Variants in ABCC3 observed in about 807,000 individuals in gnomAD.
The protein encoded by ABCC3 is ATP binding cassette subfamily C member 3.
A neutral mutation model predicts 165.3 loss-of-function variants in ABCC3; 121 were observed. That is an observed-to-expected ratio of 0.73 (90% CI 0.63 to 0.85). The LOEUF (loss-of-function observed/expected upper bound fraction) is 0.85. Among genes scored for constraint, ABCC3 ranks in the 40% least tolerant of loss-of-function variants. The pLI is 0.00. For missense variants in ABCC3, 1,869 were observed against 1,964.1 expected, an observed-to-expected ratio of 0.95 and a Z score of 0.92; for synonymous variants, 733 against 810.1, an observed-to-expected ratio of 0.90 and a Z score of 1.62.
chr17:50,672,926 T>C, intron 17 of ABCC3, 45 bp from the exon 18 acceptor site: 1 of 1,578,670 alleles, frequency 6.3e-7, no homozygotes. Flanking sequence ...GTTGTCTCCC[T>C]GTGCCTGTCT....
intron 1 of ABCC3, 48 bp from the exon 2 acceptor site, chr17:50,655,784 A>G (rs749910845): frequency 1.0e-5 from 16 of 1,585,390 alleles, no homozygotes; most frequent in Admixed American, 1.7e-5. Flanking sequence ...AGGCAGCCCA[A>G]TTCTCTGTGG....
intron 1 of ABCC3, among the ~76,000 whole-genome samples, chr17:50,653,853 A>G (rs541684741): frequency 6.6e-6 from 1 of 152,286 alleles, no homozygotes; most frequent in East Asian, 1.9e-4. Flanking sequence ...AGTGACACAT[A>G]GAAATAGCCT....
intron 1 of ABCC3, among the ~76,000 whole-genome samples, chr17:50,650,156 A>G (rs1967087149): frequency 6.6e-6 from 1 of 152,206 alleles, no homozygotes; most frequent in African/African-American, 2.4e-5. Flanking sequence ...CCCAGGCTGG[A>G]GTGCAATGGT....
At chr17:50,688,248 C>A (rs969700593) in intron 30 of ABCC3, among the ~76,000 whole-genome samples, 1 of 152,196 alleles carries the variant, frequency 6.6e-6, no homozygotes, top group African/African-American at 2.4e-5. Context: ...GAAGGGCACA[C>A]TGGGCTCCAC....
At chr17:50,636,817 TG>T (rs2054185022) in intron 1 of ABCC3, among the ~76,000 whole-genome samples, 1 of 152,236 alleles carries the variant, frequency 6.6e-6, no homozygotes, top group Non-Finnish European at 1.5e-5. Context: ...TACCTTAACA[TG>T]GGATTGTGGA....
chr17:50,673,438 T>A (rs368431706), intron 18 of ABCC3, 31 bp from the exon 19 acceptor site: 137 of 1,606,440 alleles, frequency 8.5e-5, no homozygotes, highest in Non-Finnish European at 1.1e-4. Context: ...TGGAGGGTGG[T>A]AGGGGTGAGA....
chr17:50,687,600 T>G lies in ABCC3; in HGVS notation c.4345T>G (p.Leu1449Val), dbSNP rs1244056050. The G allele has an allele frequency of 1.2e-6, 2 of 1,614,226 alleles. No homozygotes were observed. The highest frequency in any genetic ancestry group is 2.7e-5 in the African/African-American group (2 of 75,062). ...GCTCCGCAAGAGCCGCATCCTGGTTTTAGACGAGGCCACAGCTGCCATCGA... is the reference window on the plus strand; with the variant it reads ...GCTCCGCAAGAGCCGCATCCTGGTTGTAGACGAGGCCACAGCTGCCATCGA... ...ALLRKSRILVLDEATAAIDLE... is the reference protein window; with the variant it reads ...ALLRKSRILVVDEATAAIDLE... The change falls in exon 30 of 31, where the codon TTA becomes GTA. Residue 1449 changes from leucine to valine, a missense_variant. Transcript: ENST00000285238.
intron 19 of ABCC3, 36 bp from the exon 20 acceptor site, chr17:50,675,326 G>A: frequency 3.9e-6 from 6 of 1,524,304 alleles, no homozygotes; most frequent in Non-Finnish European, 5.4e-6. Context: ...GGGAGAACTA[G>A]CTGAACCCTA....
chr17:50,682,252 C>T (rs1967941922), intron 26 of ABCC3, among the ~76,000 whole-genome samples: 2 of 151,370 alleles, frequency 1.3e-5, no homozygotes, highest in African/African-American at 4.9e-5. Flanking sequence ...TCATTTTGCA[C>T]TGGGCCTCCC....
In ABCC3 at chr17:50,675,349, C is replaced by CA. The variant is rs2146632290; in HGVS notation, c.2600-12dup. On this transcript the variant is annotated splice_polypyrimidine_tract_variant and intron_variant, in intron 19 of 30. Coordinates refer to ENST00000285238, the MANE Select transcript of ABCC3 (RefSeq NM_003786.4). ...TAGCTGAACCCTATCTCCTTCCTCCCACCCTACTGCAGCGTTGGAAGGTGC... is the reference window on the plus strand; with the variant it reads ...TAGCTGAACCCTATCTCCTTCCTCCCAACCCTACTGCAGCGTTGGAAGGTGC... 1 of 1,594,198 alleles carries CA rather than the reference C, an allele frequency of 6.3e-7. No individual in the cohort carries two copies. Among genetic ancestry groups the CA allele is most frequent in the Middle Eastern group, 1.7e-4 (1 of 5,974 alleles).
Position 50,659,294 on chromosome 17 carries a change from G to A in ABCC3, c.732G>A (p.Lys244=). 1 of 1,613,934 alleles carries A rather than the reference G, an allele frequency of 6.2e-7. No individual in the cohort carries two copies. The highest frequency in any genetic ancestry group is 1.1e-5 in the South Asian group (1 of 91,080). The change falls in exon 7 of 31, where the codon AAG becomes AAA. Residue 244 remains lysine, a synonymous_variant. Transcript: ENST00000285238. The stretch of plus-strand genomic sequence containing the variant: ...AGGAGAAGGACCTCTGGTCCCTAAA[G>A]GAAGAGGACAGATCCCAGATGGTGG... ...PLEEKDLWSL[K]EEDRSQMVVQ...
At chr17:50,643,568 C>A (rs1031156858) in intron 1 of ABCC3, 11 of 456,238 alleles carry the variant, frequency 2.4e-5, no homozygotes, top group African/African-American at 2.2e-4. Flanking sequence ...CACTGCCTGA[C>A]TCACCAAGGC....
At chr17:50,686,125 C>T (rs1335099875) in intron 29 of ABCC3, among the ~76,000 whole-genome samples, 2 of 151,608 alleles carry the variant, frequency 1.3e-5, no homozygotes, top group Non-Finnish European at 2.9e-5. Context: ...ACCCTGGAGG[C>T]GGAGGTTGCA....
chr17:50,686,303 C>G (rs1328527208), intron 29 of ABCC3, among the ~76,000 whole-genome samples: 2 of 152,184 alleles, frequency 1.3e-5, no homozygotes, highest in Non-Finnish European at 2.9e-5. Context: ...AACGAGCCTC[C>G]ACGGTTTGAA....
intron 4 of ABCC3, 117 bp downstream of exon 4, chr17:50,657,300 A>T (rs1402625945): frequency 7.4e-7 from 1 of 1,349,280 alleles, no homozygotes; most frequent in Non-Finnish European, 1.0e-6. Flanking sequence ...GTACAAACAC[A>T]ATTGTGTTGT....
intron 8 of ABCC3, chr17:50,663,284 G>A (rs569257435): frequency 1.3e-4 from 28 of 217,890 alleles, no homozygotes; most frequent in African/African-American, 5.2e-4. Context: ...GGATTTGAGC[G>A]GCAAGAGTCT....
At chr17:50,645,179 T>G (rs1198878286) in intron 1 of ABCC3, among the ~76,000 whole-genome samples, 3 of 138,092 alleles carry the variant, frequency 2.2e-5, no homozygotes, top group Non-Finnish European at 3.1e-5. Flanking sequence ...CCAGCCTGGG[T>G]GACAGAGCGA....
intron 18 of ABCC3, 154 bp downstream of exon 18, chr17:50,673,292 A>G: frequency 8.2e-7 from 1 of 1,221,966 alleles, no homozygotes; most frequent in South Asian, 1.5e-5. Flanking sequence ...CTGTGGGGAC[A>G]ACTCCCCCAC....
intron 23 of ABCC3, among the ~76,000 whole-genome samples, chr17:50,677,368 G>T (rs909426283): frequency 1.3e-5 from 2 of 152,190 alleles, no homozygotes; most frequent in Non-Finnish European, 2.9e-5. Context: ...TAATGAATTA[G>T]TCAGTTCCCG....
Sources: allele counts gnomAD v4.1 joint callset (sites outside exome capture counted in the v4.1 genomes callset), GRCh38; gene constraint gnomAD v4.1.1; transcripts MANE v1.5; gene names NCBI Gene and HGNC (gene_info 2026-07-23, HGNC 2026-07-21).